Variants in UBAC2 observed in about 807,000 individuals in gnomAD.
The protein encoded by UBAC2 is UBA domain containing 2.
A neutral mutation model predicts 44.0 loss-of-function variants in UBAC2; 26 were observed. The observed-to-expected ratio is 0.59, with a 90% CI of 0.43 to 0.82. The LOEUF is 0.82. UBAC2 is among the 40% of genes least tolerant of loss of function. UBAC2 has a pLI of 0.00. For synonymous variants in UBAC2, 155 were observed against 154.3 expected (o/e 1.00, Z -0.04); for missense variants, 329 against 419.4 (o/e 0.78, Z 1.88).
chr13:99,255,911 A>C, intron 4 of UBAC2: 1 of 1,487,592 alleles, frequency 6.7e-7, no homozygotes, highest in Non-Finnish European at 9.0e-7. Context: ...TAGAAACTGT[A>C]AAAATAGTTA....
At chr13:99,368,026 C>T in intron 8 of UBAC2, 120 bp downstream of exon 8, 2 of 1,162,338 alleles carry the variant, frequency 1.7e-6, no homozygotes, top group Non-Finnish European at 2.4e-6. Flanking sequence ...GACAGCAGTC[C>T]ATCTGCCACC....
chr13:99,351,882 G>T, intron 7 of UBAC2: 1 of 401,278 alleles, frequency 2.5e-6, no homozygotes, highest in South Asian at 1.8e-5. Flanking sequence ...TGTTTTGCCT[G>T]CAAGGAAAGA....
intron 1 of UBAC2, among the ~76,000 whole-genome samples, chr13:99,207,248 A>G (rs1010772627): frequency 9.9e-5 from 15 of 152,224 alleles, no homozygotes; most frequent in African/African-American, 3.1e-4. Context: ...GACTACCTGT[A>G]CTTCAGATGC....
chr13:99,234,973 T>C (rs190784872), intron 1 of UBAC2, among the ~76,000 whole-genome samples: 1 of 152,346 alleles, frequency 6.6e-6, no homozygotes, highest in East Asian at 1.9e-4. Flanking sequence ...AAGACATTTA[T>C]AGTTTCTAAA....
chr13:99,219,976 C>T (rs2043036656), intron 1 of UBAC2, among the ~76,000 whole-genome samples: 1 of 151,824 alleles, frequency 6.6e-6, no homozygotes, highest in Non-Finnish European at 1.5e-5. Flanking sequence ...TGGTTTGTAT[C>T]CACTTTTTGT....
chr13:99,365,928 T>C (rs2045324811), intron 7 of UBAC2, among the ~76,000 whole-genome samples: 1 of 152,212 alleles, frequency 6.6e-6, no homozygotes, highest in African/African-American at 2.4e-5. Flanking sequence ...TACATATAAA[T>C]ATGATATTCA....
chr13:99,353,646 G>A (rs1393555104), intron 7 of UBAC2, among the ~76,000 whole-genome samples: 1 of 152,180 alleles, frequency 6.6e-6, no homozygotes, highest in East Asian at 1.9e-4. Context: ...TGAATTTAGA[G>A]ATGTACTCTG....
chr13:99,205,472 A>C (rs1321174523), intron 1 of UBAC2, among the ~76,000 whole-genome samples: 1 of 152,132 alleles, frequency 6.6e-6, no homozygotes, highest in Admixed American at 6.5e-5. Flanking sequence ...CTGAATGTAC[A>C]CCTTCCTGGG....
chr13:99,340,919 T>C (rs1369381536), intron 7 of UBAC2, among the ~76,000 whole-genome samples: 2 of 152,188 alleles, frequency 1.3e-5, no homozygotes, highest in African/African-American at 4.8e-5. Flanking sequence ...GCTAATCATA[T>C]GCTATGGAGT....
chr13:99,208,214 C>T (rs2042897536), intron 1 of UBAC2, among the ~76,000 whole-genome samples: 1 of 152,122 alleles, frequency 6.6e-6, no homozygotes, highest in South Asian at 2.1e-4. Flanking sequence ...TCAGGCTGGT[C>T]TTGAACTCCT....
chr13:99,293,804 A>T (rs960706815), intron 4 of UBAC2, among the ~76,000 whole-genome samples: 1 of 152,228 alleles, frequency 6.6e-6, no homozygotes, highest in African/African-American at 2.4e-5. Flanking sequence ...CTTTAAATAA[A>T]ATATTTTCAG....
chr13:99,246,711 T>G (rs2043387856), intron 4 of UBAC2, among the ~76,000 whole-genome samples: 1 of 152,258 alleles, frequency 6.6e-6, no homozygotes. Flanking sequence ...GGAATACTTT[T>G]GCTTACTCTC....
chr13:99,268,095 A>T (rs1387979871), intron 4 of UBAC2, among the ~76,000 whole-genome samples: 1 of 152,138 alleles, frequency 6.6e-6, no homozygotes, highest in Non-Finnish European at 1.5e-5. Context: ...AAGGTTGCAG[A>T]TGTCACTCCT....
At chr13:99,270,431 C>T (rs952076687) in intron 4 of UBAC2, among the ~76,000 whole-genome samples, 2 of 152,168 alleles carry the variant, frequency 1.3e-5, no homozygotes, top group Non-Finnish European at 2.9e-5. Flanking sequence ...ATTATGGTCA[C>T]ATTTATAGTC....
intron 4 of UBAC2, among the ~76,000 whole-genome samples, chr13:99,311,176 A>G (rs2044407202): frequency 6.6e-6 from 1 of 152,210 alleles, no homozygotes; most frequent in Non-Finnish European, 1.5e-5. Context: ...ATCCCCATCT[A>G]TGTGAAGCTT....
chr13:99,375,273 A>C (rs146614165), intron 8 of UBAC2, among the ~76,000 whole-genome samples: 1 of 147,846 alleles, frequency 6.8e-6, no homozygotes, highest in East Asian at 2.1e-4. Context: ...CAACCAAGAG[A>C]TGTGAAAGGA....
intron 1 of UBAC2, among the ~76,000 whole-genome samples, chr13:99,228,783 A>G (rs1179769397): frequency 6.6e-6 from 1 of 152,168 alleles, no homozygotes; most frequent in Non-Finnish European, 1.5e-5. Flanking sequence ...GTTAGATTTT[A>G]GATTCCGTGG....
rs114822695 is a variant in UBAC2, at chr13:99,213,372, T to A, written c.31+12433T>A. On this transcript the variant is annotated intron_variant, in intron 1 of 8. Transcript: ENST00000403766. ...GCCCTATCCATAACTTTTTTTTTGT[T>A]TTTTTTGAGACAAGGTCTTGCTCTG... Among the ~76,000 whole-genome samples, 1,013 of 152,104 alleles carry A rather than the reference T, an allele frequency of 6.7e-3. 18 individuals carry two copies. The highest frequency in any genetic ancestry group is 0.023 in the African/African-American group (968 of 41,462).
At chr13:99,288,542 T>G (rs2044050213) in intron 4 of UBAC2, among the ~76,000 whole-genome samples, 1 of 152,244 alleles carries the variant, frequency 6.6e-6, no homozygotes, top group African/African-American at 2.4e-5. Context: ...TCTCTCCATT[T>G]GGATATGCAT....
Sources: allele counts gnomAD v4.1 joint callset (sites outside exome capture counted in the v4.1 genomes callset), GRCh38; gene constraint gnomAD v4.1.1; transcripts MANE v1.5; gene names NCBI Gene and HGNC (gene_info 2026-07-23, HGNC 2026-07-21).